AGO4: variants seen among roughly 807,000 people sequenced by gnomAD.
The protein encoded by AGO4 is protein argonaute-4.
AGO4 carries 33 observed loss-of-function variants against 104.7 expected under a neutral mutation model. The ratio of observed to expected loss-of-function variants is 0.32; its 90% CI spans 0.24 to 0.42. AGO4 has a LOEUF of 0.42. AGO4 is among the 10% of genes least tolerant of loss of function. AGO4 has a pLI of 1.00. For missense variants in AGO4, 711 were observed against 1,083.4 expected (o/e 0.66, Z 4.83); for synonymous variants, 331 against 364.7 (o/e 0.91, Z 1.05).
At position 35,853,645 on chromosome 1, in the gene AGO4, G is replaced by A. The variant is rs760187816; in HGVS notation, c.*40G>A. ...GAACTCAACCAATTTGGCACCCCAT[G>A]CAGCCTCAAAATGTTTCAAATGCCT... On this transcript the variant is annotated 3_prime_UTR_variant, in exon 18 of 18. Transcript: ENST00000373210. 23 of 1,582,654 alleles carry A rather than the reference G, an allele frequency of 1.5e-5. No individual in the cohort carries two copies. The East Asian group carries it at 4.9e-4, about 34-fold the overall frequency.
intron 2 of AGO4, among the ~76,000 whole-genome samples, chr1:35,821,346 T>C (rs1230440050): frequency 6.6e-6 from 1 of 152,228 alleles, no homozygotes; most frequent in Non-Finnish European, 1.5e-5. Flanking sequence ...CAGATTTCAT[T>C]TGTAGTAATA....
chr1:35,851,112 G>A (rs781321634), intron 17 of AGO4, 59 bp downstream of exon 17: 40 of 1,494,024 alleles, frequency 2.7e-5, no homozygotes, highest in Non-Finnish European at 3.5e-5. Flanking sequence ...TAAAAAAAAT[G>A]AGCTACAATA....
chr1:35,851,121 TAG>T (rs1644693237), intron 17 of AGO4, 68 bp downstream of exon 17: 2 of 1,460,864 alleles, frequency 1.4e-6, no homozygotes, highest in African/African-American at 2.8e-5. Context: ...TGAGCTACAA[TAG>T]AAAACTTTTT....
At chr1:35,834,681 A>T (rs1453831160) in intron 12 of AGO4, among the ~76,000 whole-genome samples, 4 of 152,174 alleles carry the variant, frequency 2.6e-5, no homozygotes, top group Non-Finnish European at 4.4e-5. Context: ...GCTATCATTT[A>T]AATAAAGGAT....
chr1:35,825,339 C>G lies in AGO4; in HGVS notation c.333C>G (p.Gly111=). 2.5e-6 allele frequency: 4 copies of G among 1,613,848 alleles called. No homozygotes were observed. The highest frequency in any genetic ancestry group is 3.4e-6 in the Non-Finnish European group (4 of 1,179,898). ...DRVDMEVTLP[G]EGKDQTFKVS... is the part of the protein sequence containing the mutation. ...TTGATATGGAGGTGACTCTTCCAGG[C>G]GAGGGTAAAGACCAAACATTTAAAG... Residue 111 remains glycine, a synonymous_variant, in exon 4 of 18, where the codon GGC becomes GGG. Transcript: ENST00000373210.
At chr1:35,850,077 A>T (rs1644664021) in intron 15 of AGO4, 80 bp from the exon 16 acceptor site, 1 of 888,372 alleles carries the variant, frequency 1.1e-6, no homozygotes, top group African/African-American at 1.7e-5. Context: ...ACTTGCTCCC[A>T]ATTAACACAC....
At chr1:35,834,821 G>A (rs542779533) in intron 12 of AGO4, among the ~76,000 whole-genome samples, 3 of 151,748 alleles carry the variant, frequency 2.0e-5, no homozygotes, top group African/African-American at 4.8e-5. Context: ...TCAGGCTCTC[G>A]AGTAGCTGGG....
chr1:35,807,904 C>T (rs535448974), upstream of AGO4, among the ~76,000 whole-genome samples: 54 of 152,102 alleles, frequency 3.6e-4, no homozygotes, highest in Middle Eastern at 3.4e-3. Flanking sequence ...TGGCACGTAG[C>T]CCCCAGAGCC....
rs1383450877 is a variant in AGO4, at chr1:35,825,297, G to A, written c.307-16G>A. On this transcript the variant is annotated splice_polypyrimidine_tract_variant and intron_variant, in intron 3 of 17. Transcript: ENST00000373210. ...TGTAAACATTTGTGTTTGTATTCAT[G>A]TATTTTTTTCCTTAGGTTGATATGG... is the stretch of plus-strand genomic sequence containing the variant. The A allele has an allele frequency of 6.2e-7, 1 of 1,609,278 alleles. No individual in the cohort carries two copies. The highest frequency in any genetic ancestry group is 1.7e-5 in the Admixed American group (1 of 59,656).
chr1:35,837,446 A>G (rs193034765), intron 13 of AGO4, among the ~76,000 whole-genome samples: 48 of 151,376 alleles, frequency 3.2e-4, no homozygotes, highest in Admixed American at 3.0e-3. Flanking sequence ...TGATGTGATC[A>G]TGGCTCACTG....
chr1:35,821,983 G>A (rs1449934783), intron 2 of AGO4, among the ~76,000 whole-genome samples: 1 of 151,902 alleles, frequency 6.6e-6, no homozygotes, highest in African/African-American at 2.4e-5. Context: ...TGCCTCCTGG[G>A]TTCAAGCGAT....
At chr1:35,833,942 A>G (rs147720064) in intron 11 of AGO4, 48 bp from the exon 12 acceptor site, 1 of 1,340,858 alleles carries the variant, frequency 7.5e-7, no homozygotes, top group African/African-American at 1.5e-5. Context: ...AATGCTAGAA[A>G]TGTACTCTGA....
Position 35,854,341 on chromosome 1 carries a change from A to G in AGO4, c.*736A>G, listed in dbSNP as rs185475220. 1.3e-5 allele frequency: 2 copies of G among 152,792 alleles called. No homozygotes were observed. Among genetic ancestry groups the G allele is most frequent in the East Asian group, 1.9e-4 (1 of 5,194 alleles). 9.5% of individuals were successfully genotyped at this position (152,792 alleles called of 1,614,324 possible). ...TCACAGTGACGGAGATAACACTGCCATGATAAAAGTACTCATGTTTCCCCT... is the reference window on the plus strand; with the variant it reads ...TCACAGTGACGGAGATAACACTGCCGTGATAAAAGTACTCATGTTTCCCCT... On this transcript the variant is annotated 3_prime_UTR_variant, in exon 18 of 18. Coordinates refer to ENST00000373210, the MANE Select transcript of AGO4 (RefSeq NM_017629.4).
At position 35,810,596 on chromosome 1, in the gene AGO4, AG is replaced by A. The variant is rs1643468803; in HGVS notation, c.19+2163del. Reference sequence around the variant, plus strand: ...CTATTAGCTCATTTGATCCTCTGGGAGGTAGGCAGGGCAGGTAGTTATTCCA... The same window carrying A: ...CTATTAGCTCATTTGATCCTCTGGGAGTAGGCAGGGCAGGTAGTTATTCCA... On this transcript the variant is annotated intron_variant, in intron 1 of 17. Coordinates refer to ENST00000373210, the MANE Select transcript of AGO4 (RefSeq NM_017629.4). Among the ~76,000 whole-genome samples the A allele has an allele frequency of 2.0e-5, 3 of 152,216 alleles. No homozygotes were observed. The South Asian group carries it at 6.2e-4, about 32-fold the overall frequency.
At chr1:35,820,367 T>C (rs552199955) in intron 2 of AGO4, among the ~76,000 whole-genome samples, 1 of 151,100 alleles carries the variant, frequency 6.6e-6, no homozygotes, top group Non-Finnish European at 1.5e-5. Flanking sequence ...TATTTATGTA[T>C]TTTTTTTTAA....
At chr1:35,831,373 GAAGAA>G in intron 7 of AGO4, 49 bp from the exon 8 acceptor site, 9 of 1,540,304 alleles carry the variant, frequency 5.8e-6, no homozygotes, top group Non-Finnish European at 7.9e-6. Context: ...AAAAGAAAAA[GAAGAA>G]AAGAAAGAAC....
intron 2 of AGO4, among the ~76,000 whole-genome samples, chr1:35,821,104 A>G (rs770921451): frequency 1.3e-5 from 2 of 151,978 alleles, no homozygotes; most frequent in Admixed American, 6.6e-5. Context: ...TCATTTTCCT[A>G]TTTGTTTTAC....
intron 1 of AGO4, among the ~76,000 whole-genome samples, chr1:35,811,929 A>G (rs1643521869): frequency 6.6e-6 from 1 of 152,064 alleles, no homozygotes. Flanking sequence ...ACATCATCTC[A>G]TGGGATAGAT....
rs199772296 is a variant in AGO4, at chr1:35,851,085, A to G, written c.2477+32A>G. On this transcript the variant is annotated intron_variant, in intron 17 of 17. Coordinates refer to ENST00000373210, the MANE Select transcript of AGO4 (RefSeq NM_017629.4). ...TTCTTAGGCACAATAAAGTCTCTTTATATTTTAGTAGCATGTTAAAAAAAA... is the reference window on the plus strand; with the variant it reads ...TTCTTAGGCACAATAAAGTCTCTTTGTATTTTAGTAGCATGTTAAAAAAAA... The G allele has an allele frequency of 4.2e-5, 66 of 1,553,264 alleles. No individual in the cohort carries two copies. The Middle Eastern group carries it at 6.8e-4, about 16-fold the overall frequency.
Sources: allele counts gnomAD v4.1 joint callset (sites outside exome capture counted in the v4.1 genomes callset), GRCh38; gene constraint gnomAD v4.1.1; transcripts MANE v1.5; gene names NCBI Gene and HGNC (gene_info 2026-07-23, HGNC 2026-07-21).